GRAMD2B: variants seen among roughly 807,000 people sequenced by gnomAD.
GRAMD2B encodes the protein GRAM domain-containing protein 2B.
A neutral mutation model predicts 59.2 loss-of-function variants in GRAMD2B; 41 were observed. That is an observed-to-expected ratio of 0.69 (90% CI 0.54 to 0.90). GRAMD2B has a LOEUF of 0.90. Among genes scored for constraint, GRAMD2B ranks in the 40% least tolerant of loss-of-function variants. The pLI, the probability that GRAMD2B is intolerant of heterozygous loss-of-function variation, is 0.00. For missense variants in GRAMD2B, 424 were observed against 500.5 expected (o/e 0.85, Z 1.46); for synonymous variants, 161 against 182.7 (o/e 0.88, Z 0.96).
At chr5:126,445,977 TGTGGACTA>T (rs371330100) in intron 1 of GRAMD2B, among the ~76,000 whole-genome samples, 58 of 152,256 alleles carry the variant, frequency 3.8e-4, no homozygotes, top group African/African-American at 1.3e-3. Flanking sequence ...GCAAGAGCCA[TGTGGACTA>T]GTGTGAGAAC....
intron 1 of GRAMD2B, among the ~76,000 whole-genome samples, chr5:126,396,846 T>A (rs1757401413): frequency 6.6e-6 from 1 of 152,222 alleles, no homozygotes; most frequent in Non-Finnish European, 1.5e-5. Flanking sequence ...CTGCTATTTT[T>A]TGACTTTTTA....
rs533203380 is a variant in GRAMD2B, at chr5:126,477,281, T to C, written c.487-411T>C. 2.4e-3 allele frequency among the ~76,000 whole-genome samples: 367 copies of C among 152,346 alleles called. 2 individuals carry two copies. The highest frequency in any genetic ancestry group is 5.6e-3 in the South Asian group (27 of 4,824). ...TTTCTATCCAGTGATGGTCCTATTA[T>C]ACCAGTGCTTTTTAACATGCACCTA... is the stretch of plus-strand genomic sequence containing the variant. On this transcript the variant is annotated intron_variant, in intron 5 of 13. Transcript: ENST00000285689.
At chr5:126,486,405 T>C (rs904989240) in intron 11 of GRAMD2B, among the ~76,000 whole-genome samples, 4 of 152,246 alleles carry the variant, frequency 2.6e-5, no homozygotes, top group African/African-American at 7.2e-5. Context: ...TAGACTTTTT[T>C]AACTTCTAGC....
intron 1 of GRAMD2B, among the ~76,000 whole-genome samples, chr5:126,412,086 T>C (rs1758854650): frequency 6.6e-6 from 1 of 152,098 alleles, no homozygotes; most frequent in Non-Finnish European, 1.5e-5. Context: ...CTTTTCCTAT[T>C]TGGATGCCTT....
At chr5:126,484,615 C>G (rs1348661067) in intron 10 of GRAMD2B, 91 bp downstream of exon 10, 9 of 1,331,064 alleles carry the variant, frequency 6.8e-6, no homozygotes, top group African/African-American at 1.5e-5. Flanking sequence ...GCATCTTGCT[C>G]TATCACCCAG....
intron 1 of GRAMD2B, among the ~76,000 whole-genome samples, chr5:126,363,845 T>G (rs6891994): frequency 0.44 from 66,134 of 151,972 alleles, 14,893 homozygotes; most frequent in African/African-American, 0.54. Flanking sequence ...GGGCAGGGAC[T>G]GCTCTTGGGT....
At position 126,397,164 on chromosome 5, in the gene GRAMD2B, A is replaced by G. The variant is rs543950065; in HGVS notation, c.125+25597A>G. On this transcript the variant is annotated intron_variant, in intron 1 of 8. Coordinates refer to the GRAMD2B transcript ENST00000506445. ...TCTGTTGATAGTTTCTTAAAGGGAAAGCGTTCAGTTTTTCCCCATTGTTTA... is the reference window on the plus strand; with the variant it reads ...TCTGTTGATAGTTTCTTAAAGGGAAGGCGTTCAGTTTTTCCCCATTGTTTA... Among the ~76,000 whole-genome samples, 4 of 152,234 alleles carry G rather than the reference A, an allele frequency of 2.6e-5. No homozygotes were observed. The East Asian group carries it at 7.7e-4, about 29-fold the overall frequency.
intron 3 of GRAMD2B, among the ~76,000 whole-genome samples, chr5:126,471,731 G>C (rs1769622833): frequency 6.6e-6 from 1 of 152,114 alleles, no homozygotes; most frequent in Non-Finnish European, 1.5e-5. Flanking sequence ...CACTGTTTTT[G>C]CCCTCTGGTA....
intron 1 of GRAMD2B, among the ~76,000 whole-genome samples, chr5:126,403,798 G>A (rs1758031531): frequency 6.6e-6 from 1 of 151,802 alleles, no homozygotes; most frequent in African/African-American, 2.4e-5. Flanking sequence ...TTTCACAAAG[G>A]TCAGAAAGAT....
intron 1 of GRAMD2B, among the ~76,000 whole-genome samples, chr5:126,457,761 TG>T (rs58041896): frequency 0.82 from 124,467 of 151,748 alleles, 53,951 homozygotes; most frequent in East Asian, 0.99. Flanking sequence ...AGGTTTCTCA[TG>T]GGGGCTTGGA....
intron 1 of GRAMD2B, 139 bp from the exon 2 acceptor site, chr5:126,465,287 C>G: frequency 6.6e-7 from 1 of 1,505,130 alleles, no homozygotes; most frequent in Non-Finnish European, 8.9e-7. Context: ...GGGAAAGGGC[C>G]TCGCTGTCAA....
chr5:126,479,299 CA>C (rs1357999524), intron 6 of GRAMD2B, among the ~76,000 whole-genome samples: 1 of 152,054 alleles, frequency 6.6e-6, no homozygotes, highest in Non-Finnish European at 1.5e-5. Flanking sequence ...CTCAGCCTCC[CA>C]AAGTGCTGGG....
chr5:126,486,063 T>A (rs1291387512), intron 11 of GRAMD2B, among the ~76,000 whole-genome samples: 1 of 152,210 alleles, frequency 6.6e-6, no homozygotes, highest in Non-Finnish European at 1.5e-5. Flanking sequence ...TTTTTTTACC[T>A]TATTTTTTTA....
chr5:126,481,986 A>G (rs558992628), intron 8 of GRAMD2B, among the ~76,000 whole-genome samples: 5,353 of 72,116 alleles, frequency 0.074, 267 homozygotes, highest in African/African-American at 0.23. Flanking sequence ...AAAAAAAAAA[A>G]GGGGAGATGA....
At chr5:126,483,054 T>G (rs1263336072) in intron 8 of GRAMD2B, among the ~76,000 whole-genome samples, 1 of 140,520 alleles carries the variant, frequency 7.1e-6, no homozygotes, top group African/African-American at 2.7e-5. Context: ...TATAAGTTAG[T>G]AATATCTTTC....
At chr5:126,429,037 G>T (rs756354378) in intron 1 of GRAMD2B, among the ~76,000 whole-genome samples, 2 of 152,126 alleles carry the variant, frequency 1.3e-5, no homozygotes, top group Non-Finnish European at 2.9e-5. Flanking sequence ...CCTTTACTGG[G>T]TATATACCCA....
chr5:126,407,696 C>T (rs1221760813), intron 1 of GRAMD2B, among the ~76,000 whole-genome samples: 1 of 151,916 alleles, frequency 6.6e-6, no homozygotes, highest in Non-Finnish European at 1.5e-5. Context: ...TCCTCTAGCA[C>T]GTGTCATAAT....
At chr5:126,470,206 G>A (rs896442807) in intron 3 of GRAMD2B, among the ~76,000 whole-genome samples, 1 of 152,152 alleles carries the variant, frequency 6.6e-6, no homozygotes, top group Non-Finnish European at 1.5e-5. Context: ...TTTGAACAGG[G>A]TCAGGATTCT....
intron 1 of GRAMD2B, among the ~76,000 whole-genome samples, chr5:126,449,384 A>G (rs1308071247): frequency 1.3e-5 from 2 of 152,246 alleles, no homozygotes; most frequent in Non-Finnish European, 2.9e-5. Flanking sequence ...GAATAATTCT[A>G]TATTGTTGAC....
Sources: gnomAD v4.1 joint callset for allele counts (sites outside exome capture counted in the v4.1 genomes callset) on GRCh38, gnomAD v4.1.1 for gene constraint, MANE v1.5 for transcripts, NCBI Gene and HGNC (gene_info 2026-07-23, HGNC 2026-07-21) for gene names.